The following INTS4 variants were observed in gnomAD, a reference collection of about 807,000 sequenced individuals.
INTS4 encodes the protein MSTP093.
A neutral mutation model predicts 119.5 loss-of-function variants in INTS4; 70 were observed. The observed-to-expected ratio is 0.59, with a 90% confidence interval of 0.48 to 0.71. The LOEUF is 0.71. Among genes scored for constraint, INTS4 ranks in the 30% least tolerant of loss-of-function variants. The pLI is 0.00. For missense variants in INTS4, 867 were observed against 1,173.2 expected (o/e 0.74, Z 3.81); for synonymous variants, 316 against 419.6 (o/e 0.75, Z 3.02).
chr11:77,885,734 A>T (rs1565222566), intron 21 of INTS4, among the ~76,000 whole-genome samples: 1 of 151,998 alleles, frequency 6.6e-6, no homozygotes, highest in Non-Finnish European at 1.5e-5. Context: ...CAGGAGAATC[A>T]CTTGAACCTG....
intron 21 of INTS4, 86 bp from the exon 22 acceptor site, chr11:77,884,038 A>T (rs1010058233): frequency 7.2e-7 from 1 of 1,381,370 alleles, no homozygotes; most frequent in Non-Finnish European, 1.0e-6. Flanking sequence ...GAACCTCAAA[A>T]CACAAGAAGA....
At chr11:77,990,684 T>C (rs1417171903) in intron 2 of INTS4, among the ~76,000 whole-genome samples, 6 of 63,906 alleles carry the variant, frequency 9.4e-5, no homozygotes, top group African/African-American at 3.0e-4. Flanking sequence ...AGACTCTGTC[T>C]CCAAAAAAAA....
intron 8 of INTS4, among the ~76,000 whole-genome samples, chr11:77,942,919 C>A (rs1175624040): frequency 6.6e-6 from 1 of 152,168 alleles, no homozygotes; most frequent in Non-Finnish European, 1.5e-5. Flanking sequence ...AAAACAACTG[C>A]CATACTATTT....
In INTS4 at chr11:77,907,821, T is replaced by C; in HGVS notation, c.1923-11A>G. 1 of 1,569,232 alleles carries C rather than the reference T, an allele frequency of 6.4e-7. No individual in the cohort carries two copies. The highest frequency in any genetic ancestry group is 8.8e-7 in the Non-Finnish European group (1 of 1,141,432). Reference sequence around the variant, plus strand: ...AGTCTTTGCAGATCCCTATAGTAAATAAAACCCCCAAGGCAAACACAGGAT... The same window carrying C: ...AGTCTTTGCAGATCCCTATAGTAAACAAAACCCCCAAGGCAAACACAGGAT... On this transcript the variant is annotated splice_polypyrimidine_tract_variant and intron_variant, in intron 15 of 22. Transcript: ENST00000534064.
intron 22 of INTS4, among the ~76,000 whole-genome samples, chr11:77,882,962 C>T (rs1157547962): frequency 6.6e-6 from 1 of 151,992 alleles, no homozygotes; most frequent in Non-Finnish European, 1.5e-5. Context: ...ATCCCAGCTA[C>T]TCGGGAGGCT....
At chr11:77,929,026 A>G (rs1319067674) in intron 10 of INTS4, among the ~76,000 whole-genome samples, 1 of 151,562 alleles carries the variant, frequency 6.6e-6, no homozygotes, top group African/African-American at 2.4e-5. Flanking sequence ...TCTCAAAAAA[A>G]AAAAAAACTC....
chr11:77,991,632 G>C (rs113890529), intron 1 of INTS4, among the ~76,000 whole-genome samples: 20,578 of 151,326 alleles, frequency 0.14, 1,584 homozygotes, highest in East Asian at 0.25. Context: ...AAGCAATCCT[G>C]GCACCTCAGC....
intron 2 of INTS4, among the ~76,000 whole-genome samples, chr11:77,983,314 C>T (rs1856315857): frequency 6.6e-6 from 1 of 152,134 alleles, no homozygotes; most frequent in Admixed American, 6.6e-5. Flanking sequence ...CAGGGTCTCA[C>T]TATGTTGCCG....
intron 1 of INTS4, among the ~76,000 whole-genome samples, chr11:77,993,443 A>G (rs1267613705): frequency 6.6e-6 from 1 of 152,208 alleles, no homozygotes; most frequent in Admixed American, 6.5e-5. Flanking sequence ...TGAGATATGC[A>G]AACACAAGAA....
intron 4 of INTS4, among the ~76,000 whole-genome samples, chr11:77,962,375 T>C (rs1344580836): frequency 6.6e-6 from 1 of 152,234 alleles, no homozygotes; most frequent in African/African-American, 2.4e-5. Flanking sequence ...ATGTGCCACA[T>C]CCTTGTTGAC....
chr11:77,949,694 A>G (rs1301085958), intron 8 of INTS4, among the ~76,000 whole-genome samples: 2 of 152,160 alleles, frequency 1.3e-5, no homozygotes, highest in African/African-American at 2.4e-5. Context: ...TTAGAATGGC[A>G]ATCATTAAAA....
intron 15 of INTS4, chr11:77,911,225 T>C (rs1304462163): frequency 1.1e-5 from 11 of 1,032,130 alleles, no homozygotes; most frequent in Non-Finnish European, 1.3e-5. Flanking sequence ...TCACTTCTTA[T>C]TCGTTTGGGT....
intron 10 of INTS4, among the ~76,000 whole-genome samples, chr11:77,933,992 G>A (rs1020072920): frequency 6.6e-6 from 1 of 152,146 alleles, no homozygotes; most frequent in Non-Finnish European, 1.5e-5. Context: ...TCGGATTGTT[G>A]CTGTGTCTGT....
chr11:77,970,856 G>A (rs1431644525), intron 4 of INTS4, among the ~76,000 whole-genome samples: 1 of 152,046 alleles, frequency 6.6e-6, no homozygotes, highest in Non-Finnish European at 1.5e-5. Flanking sequence ...TTGTCACCCA[G>A]GCTGGAATGC....
chr11:77,959,446 C>T (rs1180161156), intron 6 of INTS4, among the ~76,000 whole-genome samples: 1 of 152,076 alleles, frequency 6.6e-6, no homozygotes, highest in Non-Finnish European at 1.5e-5. Context: ...AAATTCTACA[C>T]TATCAGTCCA....
chr11:77,923,085 C>T (rs560680041), intron 12 of INTS4, among the ~76,000 whole-genome samples: 2 of 152,206 alleles, frequency 1.3e-5, no homozygotes, highest in East Asian at 1.9e-4. Flanking sequence ...TTTGCGAGGC[C>T]GAAGTGGCTG....
chr11:77,896,471 G>A (rs1952523267), intron 18 of INTS4, among the ~76,000 whole-genome samples: 1 of 152,094 alleles, frequency 6.6e-6, no homozygotes. Context: ...GACCAAACAT[G>A]GAGAAACCCT....
intron 18 of INTS4, 119 bp from the exon 19 acceptor site, chr11:77,894,468 A>G (rs1306471274): frequency 1.8e-6 from 1 of 559,904 alleles, no homozygotes; most frequent in African/African-American, 2.0e-5. Flanking sequence ...TATAAAAATG[A>G]TCTCTAAAAG....
chr11:77,905,954 T>C (rs1952939215), intron 16 of INTS4, among the ~76,000 whole-genome samples: 1 of 152,244 alleles, frequency 6.6e-6, no homozygotes, highest in Non-Finnish European at 1.5e-5. Flanking sequence ...TGTTTTATTA[T>C]ATTAAGTGAT....
Sources: allele counts gnomAD v4.1 joint callset (sites outside exome capture counted in the v4.1 genomes callset), GRCh38; gene constraint gnomAD v4.1.1; transcripts MANE v1.5; gene names NCBI Gene and HGNC (gene_info 2026-07-23, HGNC 2026-07-21).